KLF12: variants seen among roughly 807,000 people sequenced by gnomAD.
KLF12 encodes Krueppel-like factor 12.
KLF12 carries 9 observed loss-of-function variants against 37.8 expected under a neutral mutation model. That is an observed-to-expected ratio of 0.24 (90% CI 0.14 to 0.42). KLF12 has a LOEUF of 0.42. Among genes scored for constraint, KLF12 ranks in the 10% least tolerant of loss-of-function variants. The pLI is 1.00. For missense variants in KLF12, 411 were observed against 516.0 expected (o/e 0.80, Z 1.97); for synonymous variants, 208 against 202.1 (o/e 1.03, Z -0.25).
At chr13:74,246,123 G>A in the KLF12 span, among the ~76,000 whole-genome samples, 1 of 152,110 alleles carries the variant, frequency 6.6e-6, no homozygotes, top group East Asian at 1.9e-4. Context: ...ATCATTCCTA[G>A]AACTCTAGTT....
At chr13:73,935,892 G>T (rs1490329478) in intron 3 of KLF12, among the ~76,000 whole-genome samples, 1 of 152,122 alleles carries the variant, frequency 6.6e-6, no homozygotes, top group East Asian at 1.9e-4. Flanking sequence ...GATCACAGGC[G>T]TGAGCACTTG....
intron 1 of KLF12, among the ~76,000 whole-genome samples, chr13:74,007,865 GAACA>G (rs1331445516): frequency 6.8e-6 from 1 of 146,286 alleles, no homozygotes; most frequent in African/African-American, 2.5e-5. Context: ...AAAACAATGA[GAACA>G]AACAACTGGT....
At chr13:74,120,415 G>A (rs1355942604) in intron 1 of KLF12, among the ~76,000 whole-genome samples, 1 of 152,204 alleles carries the variant, frequency 6.6e-6, no homozygotes, top group East Asian at 1.9e-4. Flanking sequence ...AGGAGACAGA[G>A]GTTGCAGTGA....
chr13:74,029,680 T>C (rs981275109), intron 1 of KLF12, among the ~76,000 whole-genome samples: 5 of 152,076 alleles, frequency 3.3e-5, no homozygotes, highest in Non-Finnish European at 7.4e-5. Context: ...TCTCATTCTA[T>C]ACATCAGGAT....
At chr13:73,752,732 T>A (rs1363772504) in intron 6 of KLF12, among the ~76,000 whole-genome samples, 57 of 127,368 alleles carry the variant, frequency 4.5e-4, no homozygotes, top group African/African-American at 2.0e-3. Flanking sequence ...ACATATATAT[T>A]TTTTTTTTTT....
chr13:73,952,912 TCA>T (rs1226396156), intron 2 of KLF12, among the ~76,000 whole-genome samples: 1 of 152,082 alleles, frequency 6.6e-6, no homozygotes, highest in Non-Finnish European at 1.5e-5. Context: ...GGTGGTGAGG[TCA>T]CAGTGGCAGT....
At chr13:73,818,880 G>A (rs1278442274) in intron 4 of KLF12, among the ~76,000 whole-genome samples, 1 of 152,228 alleles carries the variant, frequency 6.6e-6, no homozygotes, top group Non-Finnish European at 1.5e-5. Context: ...ATCTGCAGGT[G>A]CCCTAATTGT....
At chr13:73,851,604 T>C (rs1430542120) in intron 3 of KLF12, among the ~76,000 whole-genome samples, 1 of 152,174 alleles carries the variant, frequency 6.6e-6, no homozygotes, top group African/African-American at 2.4e-5. Context: ...AACAAATAGA[T>C]TCAAATAATT....
At chr13:74,102,720 A>G (rs1419367442) in intron 1 of KLF12, among the ~76,000 whole-genome samples, 1 of 152,044 alleles carries the variant, frequency 6.6e-6, no homozygotes, top group Non-Finnish European at 1.5e-5. Context: ...CTCCAACATC[A>G]TCACTGGCTG....
At chr13:73,981,891 G>T (rs1454983082) in intron 2 of KLF12, among the ~76,000 whole-genome samples, 1 of 152,028 alleles carries the variant, frequency 6.6e-6, no homozygotes, top group Non-Finnish European at 1.5e-5. Context: ...AAATTACTCA[G>T]TCTAAGGTAT....
At chr13:73,809,360 CG>C (rs150152464) in intron 5 of KLF12, among the ~76,000 whole-genome samples, 50,850 of 151,250 alleles carry the variant, frequency 0.34, 8,871 homozygotes, top group East Asian at 0.64. Context: ...CATCAAGATA[CG>C]GAAAGACAAA....
intron 3 of KLF12, among the ~76,000 whole-genome samples, chr13:73,889,527 A>G (rs968347369): frequency 2.6e-5 from 4 of 152,184 alleles, no homozygotes; most frequent in African/African-American, 9.6e-5. Flanking sequence ...TTTAGAATCT[A>G]GCCAATTATT....
chr13:74,022,682 A>C (rs1254005486), intron 1 of KLF12, among the ~76,000 whole-genome samples: 13 of 151,996 alleles, frequency 8.6e-5, no homozygotes, highest in Non-Finnish European at 1.8e-4. Context: ...AAAAAAAAAA[A>C]AATTGACCCC....
Position 73,763,514 on chromosome 13 carries a change from A to T in KLF12, c.869+1424T>A, listed in dbSNP as rs186917204. Among the ~76,000 whole-genome samples, 506 of 152,356 alleles carry T rather than the reference A, an allele frequency of 3.3e-3. 7 individuals are homozygous for T. The highest frequency in any genetic ancestry group is 0.012 in the African/African-American group (492 of 41,584). On this transcript the variant is annotated intron_variant, in intron 6 of 7. Coordinates refer to ENST00000377669, the MANE Select transcript of KLF12 (RefSeq NM_007249.5). ...TGGATTACTTCTCTGGAGATACAAG[A>T]GGTTTACACTTACTAAACAAATAAC...
the KLF12 span, among the ~76,000 whole-genome samples, chr13:74,217,235 C>T: frequency 6.6e-6 from 1 of 151,308 alleles, no homozygotes; most frequent in African/African-American, 2.4e-5. Context: ...CATGAAATTC[C>T]ACATAGAAAT....
Position 73,695,198 on chromosome 13 carries a change from C to A in KLF12, c.*292G>T, listed in dbSNP as rs1217025257. 3 of 329,340 alleles carry A rather than the reference C, an allele frequency of 9.1e-6. No homozygotes were observed. Among genetic ancestry groups the A allele is most frequent in the East Asian group, 5.2e-5 (1 of 19,140 alleles). The allele number at this position is 329,340 out of a possible 1,614,324, so 20.4% of individuals were successfully genotyped here. On this transcript the variant is annotated 3_prime_UTR_variant, in exon 8 of 8. Transcript: ENST00000377669. ...AATGTCTGACAGCTCAGAAAATGTA[C>A]AAGCTACAAACATCTTTAAATGGCA...
the KLF12 span, among the ~76,000 whole-genome samples, chr13:74,162,030 T>C: frequency 1.3e-5 from 2 of 152,148 alleles, no homozygotes. Flanking sequence ...TCAGATAGAG[T>C]TCATTTTAAT....
At chr13:74,286,227 C>A in the KLF12 span, among the ~76,000 whole-genome samples, 2 of 152,068 alleles carry the variant, frequency 1.3e-5, no homozygotes, top group Non-Finnish European at 2.9e-5. Context: ...GTGTGCCACA[C>A]TGAAATGGAT....
intron 2 of KLF12, among the ~76,000 whole-genome samples, chr13:73,985,971 C>T (rs189406480): frequency 2.6e-5 from 4 of 152,228 alleles, no homozygotes; most frequent in African/African-American, 4.8e-5. Context: ...AATACAGCTC[C>T]GGAGCCACAG....
Sources: allele counts gnomAD v4.1 joint callset (sites outside exome capture counted in the v4.1 genomes callset), GRCh38; gene constraint gnomAD v4.1.1; transcripts MANE v1.5; gene names NCBI Gene and HGNC (gene_info 2026-07-23, HGNC 2026-07-21).